The following NMT1 variants were observed in gnomAD, a reference collection of about 807,000 sequenced individuals.
The protein encoded by NMT1 is N-myristoyltransferase 1.
NMT1 carries 12 observed loss-of-function variants against 63.4 expected under a neutral mutation model. That is an observed-to-expected ratio of 0.19 (90% CI 0.12 to 0.31). The LOEUF (loss-of-function observed/expected upper bound fraction) is 0.31. NMT1 is among the 10% of genes least tolerant of loss of function. The pLI is 1.00. For missense variants in NMT1, 432 were observed against 634.6 expected, an observed-to-expected ratio of 0.68 and a Z score of 3.43; for synonymous variants, 228 against 234.3, an observed-to-expected ratio of 0.97 and a Z score of 0.25.
intron 1 of NMT1, among the ~76,000 whole-genome samples, chr17:45,079,658 A>G (rs940721488): frequency 2.0e-5 from 3 of 152,268 alleles, no homozygotes; most frequent in African/African-American, 7.2e-5. Flanking sequence ...ACGTGCACAC[A>G]TGCACACGTG....
chr17:45,102,849 G>A (rs573514118), intron 8 of NMT1, 102 bp from the exon 9 acceptor site: 6 of 1,150,304 alleles, frequency 5.2e-6, no homozygotes, highest in African/African-American at 4.6e-5. Flanking sequence ...GGGAGCCGCC[G>A]AATGACCAGG....
chr17:45,078,490 A>G (rs1473956764), intron 1 of NMT1, among the ~76,000 whole-genome samples: 6 of 152,098 alleles, frequency 3.9e-5, no homozygotes, highest in African/African-American at 1.2e-4. Flanking sequence ...CTCCCTGTAT[A>G]TATATATATA....
At chr17:45,075,169 C>G (rs1567863251) in intron 1 of NMT1, among the ~76,000 whole-genome samples, 1 of 152,094 alleles carries the variant, frequency 6.6e-6, no homozygotes, top group Non-Finnish European at 1.5e-5. Context: ...GCCTGGGTGA[C>G]AGAGCAAGAC....
chr17:45,061,875 A>T (rs1459311619), intron 1 of NMT1: 1 of 157,610 alleles, frequency 6.3e-6, no homozygotes, highest in Non-Finnish European at 1.4e-5. Flanking sequence ...GCAGCAGTTC[A>T]CCCTCAGTGA....
chr17:45,080,828 G>A (rs1054676523), intron 1 of NMT1, among the ~76,000 whole-genome samples: 8 of 150,086 alleles, frequency 5.3e-5, no homozygotes, highest in East Asian at 2.0e-4. Context: ...GTGCAATGAC[G>A]TGATCTCAAC....
At chr17:45,092,986 TGG>T (rs1245189281) in intron 3 of NMT1, among the ~76,000 whole-genome samples, 2 of 152,234 alleles carry the variant, frequency 1.3e-5, no homozygotes, top group African/African-American at 4.8e-5. Context: ...GATTGAGCTC[TGG>T]ATAGGAATGA....
At chr17:45,100,181 C>T (rs2054152340) in intron 8 of NMT1, among the ~76,000 whole-genome samples, 1 of 152,132 alleles carries the variant, frequency 6.6e-6, no homozygotes, top group African/African-American at 2.4e-5. Flanking sequence ...CTCGACCTCC[C>T]AGACTCAACT....
At chr17:45,064,913 A>AT (rs1359920382) in intron 1 of NMT1, among the ~76,000 whole-genome samples, 1 of 152,138 alleles carries the variant, frequency 6.6e-6, no homozygotes, top group African/African-American at 2.4e-5. Flanking sequence ...GATTAATGAG[A>AT]TAACATCTGG....
chr17:45,086,345 G>A (rs1352571787), intron 2 of NMT1, among the ~76,000 whole-genome samples, 163 bp from the exon 3 acceptor site: 4 of 151,702 alleles, frequency 2.6e-5, no homozygotes, highest in African/African-American at 7.3e-5. Context: ...GGTGGGTCTC[G>A]AACTCCTAAC....
chr17:45,106,167 G>A lies in NMT1; in HGVS notation c.*528G>A, dbSNP rs2054201546. The A allele has an allele frequency of 6.6e-6, 1 of 152,532 alleles. No individual in the cohort carries two copies. The highest frequency in any genetic ancestry group is 2.1e-4 in the South Asian group (1 of 4,818). The allele number at this position is 152,532 out of a possible 1,614,324, so 9.4% of individuals were successfully genotyped here. A position where few individuals can be genotyped will look rare whatever the true frequency, so the allele number is the denominator to read the frequency against. ...ATCATGGGGAAAAAGAGGATCTGGA[G>A]AACCTCATCCAGCTCCCCTTCTGAA... On this transcript the variant is annotated 3_prime_UTR_variant, in exon 12 of 12. Coordinates refer to ENST00000258960, the MANE Select transcript of NMT1 (RefSeq NM_021079.5).
At chr17:45,088,305 A>G (rs2054067341) in intron 3 of NMT1, among the ~76,000 whole-genome samples, 1 of 152,262 alleles carries the variant, frequency 6.6e-6, no homozygotes, top group South Asian at 2.1e-4. Context: ...TCACCTCTGA[A>G]TGAAATCCCT....
At chr17:45,096,115 A>G in intron 4 of NMT1, 79 bp from the exon 5 acceptor site, 1 of 1,066,266 alleles carries the variant, frequency 9.4e-7, no homozygotes, top group Admixed American at 1.9e-5. Context: ...TCCTTCTGAA[A>G]AGCCTAGAGC....
Position 45,105,213 on chromosome 17 carries a change from A to G in NMT1, c.1470+217A>G, listed in dbSNP as rs2054194868. 6.6e-6 allele frequency among the ~76,000 whole-genome samples: 1 copy of G among 152,190 alleles called. No homozygotes were observed. Among genetic ancestry groups the G allele is most frequent in the Non-Finnish European group, 1.5e-5 (1 of 68,028 alleles). On this transcript the variant is annotated intron_variant, in intron 11 of 11. Transcript: ENST00000258960. This position sits in a 1 kb window ranked among gnomAD's most constrained non-coding sequence, Gnocchi z 4.2. ...GATGGCAGAGGGGACAGAGCCACACAGTAGCACGAAGATCATCTCCAATGA... is the reference window on the plus strand; with the variant it reads ...GATGGCAGAGGGGACAGAGCCACACGGTAGCACGAAGATCATCTCCAATGA...
At chr17:45,088,512 T>C (rs1215799128) in intron 3 of NMT1, among the ~76,000 whole-genome samples, 2 of 152,204 alleles carry the variant, frequency 1.3e-5, no homozygotes, top group East Asian at 1.9e-4. Context: ...CCCAGCACTT[T>C]GGGAGGTCGA....
At chr17:45,098,644 A>T in intron 7 of NMT1, 92 bp downstream of exon 7, 1 of 1,216,224 alleles carries the variant, frequency 8.2e-7, no homozygotes, top group Non-Finnish European at 1.2e-6. Context: ...CTCCGCCCTT[A>T]GCATCCCACC....
At chr17:45,092,617 G>A (rs2054095961) in intron 3 of NMT1, among the ~76,000 whole-genome samples, 1 of 151,202 alleles carries the variant, frequency 6.6e-6, no homozygotes, top group South Asian at 2.1e-4. Flanking sequence ...GTCTGAGGCA[G>A]GAGAATTGCT....
chr17:45,097,354 C>A, intron 6 of NMT1, 110 bp downstream of exon 6: 1 of 867,800 alleles, frequency 1.2e-6, no homozygotes, highest in Non-Finnish European at 1.9e-6. Flanking sequence ...GAGGGAAGGT[C>A]TCAGGAAGGG....
At chr17:45,082,111 C>G (rs1198419878) in intron 2 of NMT1, among the ~76,000 whole-genome samples, 1 of 151,928 alleles carries the variant, frequency 6.6e-6, no homozygotes, top group African/African-American at 2.4e-5. Flanking sequence ...AATGAAAGGC[C>G]CCCCCTTTCT....
chr17:45,070,275 T>C (rs547533111), intron 1 of NMT1, among the ~76,000 whole-genome samples: 6 of 151,272 alleles, frequency 4.0e-5, no homozygotes, highest in African/African-American at 1.5e-4. Context: ...GTGTGTGAGA[T>C]GGAGTCTCAC....
Sources: gnomAD v4.1 joint callset for allele counts (sites outside exome capture counted in the v4.1 genomes callset) on GRCh38, gnomAD v4.1.1 for gene constraint, Gnocchi (gnomAD v3.1) non-coding constraint, MANE v1.5 for transcripts, NCBI Gene and HGNC (gene_info 2026-07-23, HGNC 2026-07-21) for gene names.